Variants in TANK observed in about 807,000 individuals in gnomAD.
TANK encodes the protein TRAF family member-associated NF-kappa-B activator.
In TANK, 15 loss-of-function variants were observed where a neutral mutation model predicts 43.6. The observed-to-expected ratio is 0.34, with a 90% confidence interval of 0.23 to 0.53. The LOEUF (loss-of-function observed/expected upper bound fraction) is 0.53, where lower values mean the gene tolerates loss of function less well. TANK is among the 20% of genes least tolerant of loss of function. TANK has a pLI of 0.94. For missense variants in TANK, 417 were observed against 498.6 expected (o/e 0.84, Z 1.56); for synonymous variants, 162 against 178.2 (o/e 0.91, Z 0.73).
At position 161,231,181 on chromosome 2, in the gene TANK, CT is replaced by C; in HGVS notation, c.734del (p.Phe245SerfsTer52). 6.2e-7 allele frequency: 1 copy of C among 1,614,026 alleles called. No homozygotes were observed. On this transcript the variant is annotated frameshift_variant, in exon 7 of 8. Coordinates refer to ENST00000392749, the MANE Select transcript of TANK (RefSeq NM_001199135.3). LOFTEE classifies it high-confidence loss of function. ...TTTCCACCTATGGACAATGACTCAA[CT>C]TTCTTACATAGCACTCCAGAGAGAC... ...VKFPPMDNDSTFLHSTPERPG... is the reference protein window; with the variant it reads ...VKFPPMDNDSXFLHSTPERPG...
chr2:161,220,314 A>G (rs982754021), intron 4 of TANK, among the ~76,000 whole-genome samples: 15 of 152,218 alleles, frequency 9.9e-5, no homozygotes, highest in African/African-American at 2.4e-4. Flanking sequence ...TAAAAATTCC[A>G]TAACTCAGCT....
chr2:161,169,812 C>A (rs144546548), intron 1 of TANK, among the ~76,000 whole-genome samples: 56 of 152,214 alleles, frequency 3.7e-4, no homozygotes, highest in Middle Eastern at 3.4e-3. Context: ...TAATTCTGTG[C>A]CTTATGCAAC....
intron 1 of TANK, chr2:161,161,112 C>T (rs1684412791): frequency 8.5e-7 from 1 of 1,170,430 alleles, no homozygotes; most frequent in Admixed American, 2.9e-5. Flanking sequence ...TAGGTAGAGT[C>T]CTCACGCCGG....
intron 1 of TANK, among the ~76,000 whole-genome samples, chr2:161,144,122 ATAG>A (rs535999291): frequency 4.9e-4 from 74 of 152,178 alleles, no homozygotes; most frequent in African/African-American, 1.7e-3. Context: ...GTATTTGCTG[ATAG>A]TAGTTTGTAT....
chr2:161,150,976 T>A (rs534365683), intron 1 of TANK, among the ~76,000 whole-genome samples: 1 of 152,236 alleles, frequency 6.6e-6, no homozygotes, highest in Non-Finnish European at 1.5e-5. Context: ...TTTTGATACA[T>A]TGCAATTTTG....
chr2:161,221,368 A>G (rs1687331469), intron 4 of TANK, among the ~76,000 whole-genome samples: 1 of 152,214 alleles, frequency 6.6e-6, no homozygotes, highest in Non-Finnish European at 1.5e-5. Context: ...TTCCTGCAGT[A>G]CAGAGCCCAC....
chr2:161,164,002 A>G (rs1684560184), intron 1 of TANK, among the ~76,000 whole-genome samples: 1 of 152,184 alleles, frequency 6.6e-6, no homozygotes. Context: ...GCATCTATGA[A>G]CTGTGGAGGA....
chr2:161,169,909 T>C (rs778234694), intron 1 of TANK, among the ~76,000 whole-genome samples: 34 of 152,166 alleles, frequency 2.2e-4, no homozygotes, highest in Non-Finnish European at 3.5e-4. Context: ...GAGGGAAGAT[T>C]AAAAATGAGG....
intron 4 of TANK, among the ~76,000 whole-genome samples, chr2:161,218,342 T>A (rs1687207266): frequency 6.6e-6 from 1 of 152,174 alleles, no homozygotes; most frequent in Non-Finnish European, 1.5e-5. Flanking sequence ...CCATTCTTTA[T>A]CTCCAACCCT....
At chr2:161,216,337 T>G in intron 4 of TANK, 1 of 459,128 alleles carries the variant, frequency 2.2e-6, no homozygotes, top group Admixed American at 2.5e-5. Context: ...TCCTTCTTGC[T>G]TCTGCTAATT....
chr2:161,150,279 T>C (rs371103917), intron 1 of TANK, among the ~76,000 whole-genome samples: 2 of 152,168 alleles, frequency 1.3e-5, no homozygotes, highest in Admixed American at 1.3e-4. Context: ...TTCCATAACA[T>C]AATATTTATA....
intron 2 of TANK, among the ~76,000 whole-genome samples, chr2:161,180,400 G>A (rs971471617): frequency 6.6e-6 from 1 of 152,094 alleles, no homozygotes; most frequent in Non-Finnish European, 1.5e-5. Context: ...TTAAGCACAT[G>A]TCTGTTACTG....
At chr2:161,200,401 A>G in intron 2 of TANK, 1 of 982,566 alleles carries the variant, frequency 1.0e-6, no homozygotes, top group Non-Finnish European at 1.2e-6. Flanking sequence ...GAACAAAAGC[A>G]TTTAATCAAA....
chr2:161,163,288 C>T (rs1684523808), intron 1 of TANK: 1 of 152,218 alleles, frequency 6.6e-6, no homozygotes, highest in East Asian at 1.9e-4. Flanking sequence ...CAACAATACT[C>T]AGCAAAATGG....
intron 1 of TANK, among the ~76,000 whole-genome samples, chr2:161,165,620 TC>T (rs1435823324): frequency 3.0e-4 from 45 of 152,236 alleles, no homozygotes; most frequent in African/African-American, 8.7e-4. Flanking sequence ...TCCCATACAG[TC>T]CTACTCCTCC....
chr2:161,195,915 T>G (rs947584701), intron 2 of TANK, among the ~76,000 whole-genome samples: 1 of 152,088 alleles, frequency 6.6e-6, no homozygotes, highest in African/African-American at 2.4e-5. Context: ...TGAAACCCTG[T>G]CTGTACTAAA....
chr2:161,172,324 G>A (rs1014285639), intron 1 of TANK, among the ~76,000 whole-genome samples: 1 of 105,118 alleles, frequency 9.5e-6, no homozygotes, highest in African/African-American at 3.6e-5. Context: ...TTTCTCTATT[G>A]TTTTCTTTTC....
chr2:161,190,920 A>G (rs571932180), intron 2 of TANK, among the ~76,000 whole-genome samples: 2 of 152,130 alleles, frequency 1.3e-5, no homozygotes, highest in African/African-American at 2.4e-5. Context: ...TATTTGATAT[A>G]TATTTTACCA....
At chr2:161,152,917 T>C (rs535878437) in intron 1 of TANK, among the ~76,000 whole-genome samples, 1 of 152,292 alleles carries the variant, frequency 6.6e-6, no homozygotes, top group South Asian at 2.1e-4. Context: ...TTAGAGTTCA[T>C]TGAGCAACTT....
Sources: allele counts gnomAD v4.1 joint callset (sites outside exome capture counted in the v4.1 genomes callset), GRCh38; gene constraint gnomAD v4.1.1; transcripts MANE v1.5; gene names NCBI Gene and HGNC (gene_info 2026-07-23, HGNC 2026-07-21).